The following TSC2 variants were observed in gnomAD, a reference collection of about 807,000 sequenced individuals.
TSC2 encodes the protein tuberin.
Under a neutral mutation model 202.2 loss-of-function variants are expected in TSC2, and 29 were observed. The observed-to-expected ratio is 0.14, with a 90% CI of 0.11 to 0.20. TSC2 has a LOEUF of 0.20. TSC2 is among the 10% of genes least tolerant of loss of function. The pLI is 1.00. For missense variants in TSC2, 2,429 were observed against 2,420.0 expected (o/e 1.00, Z -0.08); for synonymous variants, 1,349 against 1,044.0 (o/e 1.29, Z -5.63).
At chr16:2,072,102 TGG>T in intron 19 of TSC2, 137 bp from the exon 20 acceptor site, 1 of 1,533,848 alleles carries the variant, frequency 6.5e-7, no homozygotes, top group South Asian at 1.2e-5. Context: ...AGGCCTGCGC[TGG>T]GCAGGCTCCC....
At chr16:2,074,719 C>G (rs2089021075) in intron 22 of TSC2, 1 of 422,956 alleles carries the variant, frequency 2.4e-6, no homozygotes, top group Non-Finnish European at 4.5e-6. Context: ...TTCGCTTCCC[C>G]CAGACTGTGA....
intron 4 of TSC2, chr16:2,053,783 C>G: frequency 3.7e-6 from 2 of 537,992 alleles, no homozygotes; most frequent in Non-Finnish European, 3.6e-6. Flanking sequence ...CCCTTGCACC[C>G]TTTCGGGGCC....
intron 38 of TSC2, chr16:2,087,201 G>A (rs2090926356): frequency 2.3e-6 from 1 of 431,296 alleles, no homozygotes; most frequent in Non-Finnish European, 4.4e-6. Context: ...CAGCTGTCAG[G>A]CTGCTCAGTT....
intron 26 of TSC2, 73 bp downstream of exon 26, chr16:2,077,799 G>T: frequency 1.9e-6 from 3 of 1,599,648 alleles, no homozygotes; most frequent in Non-Finnish European, 2.5e-6. Context: ...GCAGTGCATG[G>T]GGCTGCTTGC....
chr16:2,074,308 G>T lies in TSC2; in HGVS notation c.2464G>T (p.Ala822Ser). 1 of 1,613,136 alleles carries T rather than the reference G, an allele frequency of 6.2e-7. No individual in the cohort carries two copies. The highest frequency in any genetic ancestry group is 1.1e-5 in the South Asian group (1 of 91,070). The change falls in exon 22 of 42, where the codon GCG (alanine) becomes TCG (serine). Residue 822 changes from alanine (A) to serine (S), a missense_variant. Ala to Ser is a moderately conservative substitution (Grantham distance 99, BLOSUM62 1). Transcript: ENST00000219476. ...GGAGATGCCTGACATCATCATCAAG[G>T]CGCTGCCTGTTCTGGTGGTGAAGCT... ...SVEMPDIIIKALPVLVVKLTH... is the reference protein window; with the variant it reads ...SVEMPDIIIKSLPVLVVKLTH...
At chr16:2,053,807 C>T in intron 4 of TSC2, 3 of 519,254 alleles carry the variant, frequency 5.8e-6, no homozygotes, top group South Asian at 1.5e-5. Flanking sequence ...CCCCTGCTCA[C>T]TGCATTCCAT....
intron 30 of TSC2, 139 bp downstream of exon 30, chr16:2,080,516 C>G: frequency 1.0e-6 from 1 of 996,662 alleles, no homozygotes; most frequent in Non-Finnish European, 1.4e-6. Context: ...CAGAGTCTTG[C>G]TCTGTGGCCC....
intron 17 of TSC2, 26 bp from the exon 18 acceptor site, chr16:2,071,484 G>A: frequency 6.2e-7 from 1 of 1,612,920 alleles, no homozygotes; most frequent in Non-Finnish European, 8.5e-7. Flanking sequence ...GCTTGGCTCT[G>A]GCTTTCACCA....
rs779832805 is a variant in TSC2 at position 2,077,687 on chromosome 16, G to A, written c.2927G>A (p.Arg976Gln). The A allele has an allele frequency of 1.1e-5, 18 of 1,612,916 alleles. No homozygotes were observed. The highest frequency in any genetic ancestry group is 1.4e-5 in the Non-Finnish European group (16 of 1,180,030). ...GAGAGCTCTGCAGCCGAGGCCTTCC[G>A]GTGCCGCAGCATCAGTGTGTCTGAA... ...FKESSAAEAF[R>Q]CRSISVSEHV... The change falls in exon 26 of 42, where the codon CGG (arginine) becomes CAG (glutamine). Residue 976 changes from arginine (R) to glutamine (Q), a missense_variant. Physicochemically the swap from Arg to Gln is conservative, Grantham distance 43. Coordinates refer to ENST00000219476, the MANE Select transcript of TSC2 (RefSeq NM_000548.5).
At position 2,083,377 on chromosome 16, in the gene TSC2, G is replaced by A. The variant is rs932457796; in HGVS notation, c.3884-318G>A. 1.6e-4 allele frequency: 80 copies of A among 504,436 alleles called. 1 individual carries two copies. In the Admixed American group the frequency reaches 2.0e-3, roughly 13 times the overall value. 31.2% of individuals were successfully genotyped at this position (504,436 alleles called of 1,614,324 possible). ...AGGCTCCCGCTCTTTTAGAGCTGAG[G>A]CCCGTCGGGCGGAGAGCGTCTTGCC... is the stretch of plus-strand genomic sequence containing the variant. On this transcript the variant is annotated intron_variant, in intron 32 of 41. Coordinates refer to ENST00000219476, the MANE Select transcript of TSC2 (RefSeq NM_000548.5).
intron 14 of TSC2, chr16:2,063,446 TCTC>T (rs1379785709): frequency 3.4e-5 from 12 of 348,024 alleles, no homozygotes; most frequent in East Asian, 1.4e-4. Flanking sequence ...CTGCCTGGTC[TCTC>T]CTCTGCGGGC....
chr16:2,074,236 C>T lies in TSC2; in HGVS notation c.2392C>T (p.His798Tyr), dbSNP rs375809212. 1.1e-4 allele frequency: 181 copies of T among 1,612,332 alleles called. No homozygotes were observed. Among genetic ancestry groups the T allele is most frequent in the Middle Eastern group, 1.8e-4 (1 of 5,408 alleles). ...CTACTGCCTGGAGCAGGGCCTCATC[C>T]ACCGCTGTGCCAGCCAGTGCGTCGT... ...MVYCLEQGLI[H>Y]RCASQCVVAL... The change falls in exon 22 of 42, where the codon CAC (histidine) becomes TAC (tyrosine). Residue 798 changes from histidine to tyrosine, a missense_variant. Coordinates refer to ENST00000219476, the MANE Select transcript of TSC2 (RefSeq NM_000548.5).
chr16:2,083,654 G>T, intron 32 of TSC2, 41 bp from the exon 33 acceptor site: 1 of 1,558,624 alleles, frequency 6.4e-7, no homozygotes, highest in Non-Finnish European at 8.7e-7. Flanking sequence ...CCAGGGCCTG[G>T]CCCAGCCCCA....
chr16:2,065,004 C>T (rs2087125445), intron 15 of TSC2: 2 of 195,740 alleles, frequency 1.0e-5, no homozygotes, highest in Admixed American at 1.1e-4. Flanking sequence ...ATCCCAGCTG[C>T]TCAGGAGGCT....
At chr16:2,074,430 G>T in intron 22 of TSC2, 41 bp downstream of exon 22, 2 of 1,602,324 alleles carry the variant, frequency 1.2e-6, no homozygotes, top group South Asian at 1.1e-5. Flanking sequence ...CGAGAGGTTC[G>T]GGCTGTGTAA....
At chr16:2,060,614 G>A (rs559670828) in intron 10 of TSC2, 56 bp from the exon 11 acceptor site, 30 of 1,612,738 alleles carry the variant, frequency 1.9e-5, no homozygotes, top group African/African-American at 4.0e-5. Context: ...CTGGGAGGGC[G>A]TCCCACAGCA....
intron 23 of TSC2, 40 bp from the exon 24 acceptor site, chr16:2,076,028 C>G (rs371353959): frequency 1.7e-5 from 28 of 1,613,498 alleles, no homozygotes; most frequent in Non-Finnish European, 2.4e-5. Context: ...GGATGTTTCC[C>G]TGCTGCCAGG....
At chr16:2,052,975 T>C (rs975146668) in intron 3 of TSC2, among the ~76,000 whole-genome samples, 6 of 152,186 alleles carry the variant, frequency 3.9e-5, no homozygotes, top group Admixed American at 2.6e-4. Flanking sequence ...TGTGCACTTG[T>C]GGTTCTGAGA....
At position 2,086,196 on chromosome 16, in the gene TSC2, A is replaced by T. The variant is rs2151569260; in HGVS notation, c.4666A>T (p.Asn1556Tyr). 2 of 1,612,272 alleles carry T rather than the reference A, an allele frequency of 1.2e-6. No individual in the cohort carries two copies. The highest frequency in any genetic ancestry group is 1.7e-6 in the Non-Finnish European group (2 of 1,179,684). ...AVLYVGEGQS[N>Y]SELAILSNEH... ...TGCCTCTCCCCTCTCCCCACAGAGCAACAGCGAGCTCGCCATCCTGTCCAA... is the reference window on the plus strand; with the variant it reads ...TGCCTCTCCCCTCTCCCCACAGAGCTACAGCGAGCTCGCCATCCTGTCCAA... Residue 1556 changes from asparagine to tyrosine, a missense_variant, in exon 37 of 42, where the codon AAC becomes TAC. Physicochemically the swap from Asn to Tyr is moderately radical, Grantham distance 143. Transcript: ENST00000219476.
Sources: allele counts gnomAD v4.1 joint callset (sites outside exome capture counted in the v4.1 genomes callset), GRCh38; gene constraint gnomAD v4.1.1; transcripts MANE v1.5; gene names NCBI Gene and HGNC (gene_info 2026-07-23, HGNC 2026-07-21).